Variants in SEMA6D observed in about 807,000 individuals in gnomAD.
SEMA6D encodes semaphorin-6D.
A neutral mutation model predicts 106.6 loss-of-function variants in SEMA6D; 35 were observed. The observed-to-expected ratio is 0.33, with a 90% CI of 0.25 to 0.44. The LOEUF (loss-of-function observed/expected upper bound fraction) is 0.44. SEMA6D is among the 20% of genes least tolerant of loss of function. SEMA6D has a pLI of 1.00. For synonymous variants in SEMA6D, 499 were observed against 487.7 expected (o/e 1.02, Z -0.31); for missense variants, 1,185 against 1,345.9 (o/e 0.88, Z 1.87).
intron 4 of SEMA6D, among the ~76,000 whole-genome samples, chr15:47,639,503 A>G (rs944712201): frequency 6.6e-6 from 1 of 152,224 alleles, no homozygotes; most frequent in Non-Finnish European, 1.5e-5. Context: ...GGAGGGAAAG[A>G]ATAACTCCTC....
intron 3 of SEMA6D, among the ~76,000 whole-genome samples, chr15:47,557,674 GT>G (rs1037671364): frequency 6.6e-6 from 1 of 152,136 alleles, no homozygotes; most frequent in African/African-American, 2.4e-5. Flanking sequence ...TATTTGCTGG[GT>G]TTTGGTTAGG....
At chr15:47,272,198 T>C (rs2034589264) in intron 1 of SEMA6D, among the ~76,000 whole-genome samples, 1 of 152,180 alleles carries the variant, frequency 6.6e-6, no homozygotes, top group African/African-American at 2.4e-5. Flanking sequence ...AAAACTGGAA[T>C]AAATGAAAAT....
At chr15:47,762,134 C>T in intron 7 of SEMA6D, 66 bp from the exon 8 acceptor site, 1 of 1,594,586 alleles carries the variant, frequency 6.3e-7, no homozygotes, top group Non-Finnish European at 8.6e-7. Flanking sequence ...GCATAACACG[C>T]TGCCAAAGCT....
chr15:47,336,861 A>G (rs913012586), intron 1 of SEMA6D, among the ~76,000 whole-genome samples: 5 of 152,164 alleles, frequency 3.3e-5, no homozygotes, highest in African/African-American at 1.2e-4. Context: ...AAGTGAATGG[A>G]CAACATCCTG....
intron 1 of SEMA6D, among the ~76,000 whole-genome samples, chr15:47,187,511 A>G (rs1893663525): frequency 6.6e-6 from 1 of 152,192 alleles, no homozygotes; most frequent in African/African-American, 2.4e-5. Flanking sequence ...CATTGATGTC[A>G]TGGTGTGCTT....
At chr15:47,596,445 T>C (rs1235998872) in intron 3 of SEMA6D, among the ~76,000 whole-genome samples, 1 of 152,126 alleles carries the variant, frequency 6.6e-6, no homozygotes, top group Non-Finnish European at 1.5e-5. Flanking sequence ...AAAATTTATA[T>C]AGTATTGCAA....
At chr15:47,422,632 CATTTAA>C (rs1399225767) in intron 2 of SEMA6D, among the ~76,000 whole-genome samples, 2 of 151,894 alleles carry the variant, frequency 1.3e-5, no homozygotes, top group Non-Finnish European at 2.9e-5. Context: ...CAATTAAGTT[CATTTAA>C]ATTTAATTTT....
intron 4 of SEMA6D, among the ~76,000 whole-genome samples, chr15:47,663,302 T>A (rs1049832529): frequency 2.6e-5 from 4 of 152,218 alleles, no homozygotes; most frequent in African/African-American, 9.6e-5. Flanking sequence ...AATGGAAAAT[T>A]ACTTTGTTCC....
At chr15:47,722,469 TTTG>T (rs1219511569) in intron 1 of SEMA6D, among the ~76,000 whole-genome samples, 2 of 152,214 alleles carry the variant, frequency 1.3e-5, no homozygotes, top group African/African-American at 4.8e-5. Context: ...TTTTTTTTGT[TTTG>T]TTTTCTTCTT....
intron 2 of SEMA6D, among the ~76,000 whole-genome samples, chr15:47,424,273 T>C (rs1009429580): frequency 2.0e-5 from 3 of 151,680 alleles, no homozygotes; most frequent in Non-Finnish European, 4.4e-5. Flanking sequence ...AATAGATGTC[T>C]AACATGGAAA....
chr15:47,632,852 G>A (rs116289920), intron 4 of SEMA6D, among the ~76,000 whole-genome samples: 1,929 of 151,954 alleles, frequency 0.013, 43 homozygotes, highest in African/African-American at 0.044. Flanking sequence ...AGTCCTCTAT[G>A]TTTGTTACTT....
At chr15:47,577,561 C>G (rs1290743798) in intron 3 of SEMA6D, among the ~76,000 whole-genome samples, 1 of 152,206 alleles carries the variant, frequency 6.6e-6, no homozygotes, top group Non-Finnish European at 1.5e-5. Flanking sequence ...TGGCTTGCTG[C>G]AAAATTATTC....
chr15:47,663,065 C>G (rs999466780), intron 4 of SEMA6D, among the ~76,000 whole-genome samples: 1 of 152,070 alleles, frequency 6.6e-6, no homozygotes, highest in African/African-American at 2.4e-5. Flanking sequence ...GAGTAAAGTA[C>G]TCGTAATTAA....
intron 3 of SEMA6D, among the ~76,000 whole-genome samples, chr15:47,517,233 G>A (rs946449248): frequency 1.3e-5 from 2 of 152,250 alleles, no homozygotes; most frequent in African/African-American, 4.8e-5. Flanking sequence ...TTTTTCCATT[G>A]TGATCAGTTA....
intron 3 of SEMA6D, among the ~76,000 whole-genome samples, chr15:47,571,296 G>A (rs537376649): frequency 1.2e-4 from 18 of 152,298 alleles, no homozygotes; most frequent in African/African-American, 4.3e-4. Context: ...GCCCAATTTG[G>A]AAGAAAGCAT....
At chr15:47,227,567 T>TCACA (rs1385153004) in intron 1 of SEMA6D, among the ~76,000 whole-genome samples, 4 of 87,266 alleles carry the variant, frequency 4.6e-5, no homozygotes, top group African/African-American at 1.3e-4. Context: ...TCTCTCTCTC[T>TCACA]CTCACACACA....
At chr15:47,218,454 C>T (rs1348787330) in intron 1 of SEMA6D, among the ~76,000 whole-genome samples, 1 of 152,086 alleles carries the variant, frequency 6.6e-6, no homozygotes, top group Non-Finnish European at 1.5e-5. Flanking sequence ...AAAATTGTTT[C>T]CAGAAAGTGA....
At chr15:47,695,009 A>T (rs1351313419) in intron 4 of SEMA6D, among the ~76,000 whole-genome samples, 4 of 152,102 alleles carry the variant, frequency 2.6e-5, no homozygotes, top group Admixed American at 2.6e-4. Context: ...ATGGATGGAG[A>T]TTATTTATTT....
chr15:47,398,393 T>C (rs1355179220), intron 1 of SEMA6D, among the ~76,000 whole-genome samples: 7 of 152,368 alleles, frequency 4.6e-5, no homozygotes, highest in Admixed American at 2.0e-4. Context: ...TGCCTCACTC[T>C]TGATACTATA....
Sources: allele counts gnomAD v4.1 joint callset (sites outside exome capture counted in the v4.1 genomes callset), GRCh38; gene constraint gnomAD v4.1.1; transcripts MANE v1.5; gene names NCBI Gene and HGNC (gene_info 2026-07-23, HGNC 2026-07-21).